The following NACA variants were observed in gnomAD, a reference collection of about 807,000 sequenced individuals.
NACA encodes the protein nascent polypeptide-associated complex subunit alpha.
In NACA, 42 loss-of-function variants were observed where a neutral mutation model predicts 86.4. The observed-to-expected ratio is 0.49, with a 90% CI of 0.38 to 0.63. The LOEUF is 0.63. Ranked by LOEUF, NACA falls within the 20% of genes least tolerant of loss-of-function variation. The pLI is 0.00. For synonymous variants in NACA, 898 were observed against 973.7 expected (o/e 0.92, Z 1.45); for missense variants, 2,157 against 2,483.6 (o/e 0.87, Z 2.80).
rs1193654943 is a variant in NACA, at chr12:56,716,509, G to A, written c.5021C>T (p.Ala1674Val). ...TVPQASKGLP[A>V]KKGPTALKEV... ...TTTCAGAGCTGTGGGGCCTTTCTTT[G>A]CTGGAAGCCCTTTAGATGCTTGAGG... The change falls in exon 3 of 9, where the codon GCA (alanine) becomes GTA (valine). Residue 1674 changes from alanine to valine, a missense_variant. Transcript: ENST00000454682. 1.3e-6 allele frequency: 2 copies of A among 1,503,606 alleles called. No homozygotes were observed. Among genetic ancestry groups the A allele is most frequent in the South Asian group, 1.1e-5 (1 of 89,214 alleles). 93.1% of individuals were successfully genotyped at this position (1,503,606 alleles called of 1,614,324 possible).
rs146850309 is a variant in NACA at position 56,723,778 on chromosome 12, T to C, written c.70+674A>G. 3.2e-3 allele frequency among the ~76,000 whole-genome samples: 485 copies of C among 152,292 alleles called. 4 individuals carry two copies. The highest frequency in any genetic ancestry group is 0.011 in the African/African-American group (460 of 41,558). ...ATCATTTTAAGAACTTTTCATTACC[T>C]CCTCCTAAGTTTTCTACAGAGATAT... On this transcript the variant is annotated intron_variant, in intron 2 of 8. Coordinates refer to ENST00000454682, the MANE Select transcript of NACA (RefSeq NM_001365896.1).
chr12:56,723,729 C>T (rs960788280), intron 2 of NACA, among the ~76,000 whole-genome samples: 1 of 152,162 alleles, frequency 6.6e-6, no homozygotes, highest in Non-Finnish European at 1.5e-5. Context: ...TCATTTAACG[C>T]TGCACAACTG....
rs751060274 is a variant in NACA at position 56,718,481 on chromosome 12, G to A, written c.3049C>T (p.Pro1017Ser). 2.4e-6 allele frequency: 3 copies of A among 1,254,522 alleles called. No individual in the cohort carries two copies. The Admixed American group carries it at 1.0e-4, about 42-fold the overall frequency. 77.7% of individuals were successfully genotyped at this position (1,254,522 alleles called of 1,614,324 possible). The change falls in exon 3 of 9, where the codon CCC becomes TCC. Residue 1017 changes from proline (P) to serine (S), a missense_variant. Coordinates refer to ENST00000454682, the MANE Select transcript of NACA (RefSeq NM_001365896.1). ...GCTGCTGGACTTCCTTTGGGGGAGG[G>A]AGGAGTCACAGCTGGGGGTGTGGGG... ...GAPTPPAVTPPSPKGSPAATP... is the reference protein window; with the variant it reads ...GAPTPPAVTPSSPKGSPAATP...
In NACA at chr12:56,721,174, G is replaced by A. The variant is rs750605146; in HGVS notation, c.356C>T (p.Ala119Val). ...CAGAGTTGGAGCTATCATGGGAGAG[G>A]CTAGAGCTAAGGCAGCTGGGGAGAT... Reference protein sequence around the residue: ...PPISPAALALASPMIAPTLKG... With the variant: ...PPISPAALALVSPMIAPTLKG... The change falls in exon 3 of 9, where the codon GCC (alanine) becomes GTC (valine). Residue 119 changes from alanine to valine, a missense_variant. By Grantham distance (64) the Ala-to-Val change is moderately conservative (BLOSUM62 0). Coordinates refer to ENST00000454682, the MANE Select transcript of NACA (RefSeq NM_001365896.1). The A allele has an allele frequency of 6.2e-7, 1 of 1,613,944 alleles. No homozygotes were observed. The highest frequency in any genetic ancestry group is 8.5e-7 in the Non-Finnish European group (1 of 1,179,864).
rs762861699 is a variant in NACA, at chr12:56,717,751, G to C, written c.3779C>G (p.Pro1260Arg). ...SPKGGPATPP[P>R]KGAPTPPAAT... Reference sequence around the variant, plus strand: ...AGCTGGGGGAGTGGGGGCCCCTTTGGGGGGTGGGGTAGCTGGGCCTCCTTT... The same window carrying C: ...AGCTGGGGGAGTGGGGGCCCCTTTGCGGGGTGGGGTAGCTGGGCCTCCTTT... Residue 1260 changes from proline (P) to arginine (R), a missense_variant, in exon 3 of 9, where the codon CCC becomes CGC. By Grantham distance (103) the Pro-to-Arg change is moderately radical (BLOSUM62 -2). Transcript: ENST00000454682. 8.5e-7 allele frequency: 1 copy of C among 1,177,646 alleles called. No homozygotes were observed. 72.9% of individuals were successfully genotyped at this position (1,177,646 alleles called of 1,614,324 possible). A position where few individuals can be genotyped will look rare whatever the true frequency, so the allele number is the denominator to read the frequency against.
At position 56,717,728 on chromosome 12, in the gene NACA, C is replaced by G. The variant is rs1278241327; in HGVS notation, c.3802G>C (p.Ala1268Pro). The change falls in exon 3 of 9, where the codon GCT becomes CCT. Residue 1268 changes from alanine to proline, a missense_variant. Coordinates refer to ENST00000454682, the MANE Select transcript of NACA (RefSeq NM_001365896.1). ...CCTTTTAGGGAGGGAGGAGTTGCAGCTGGGGGAGTGGGGGCCCCTTTGGGG... is the reference window on the plus strand; with the variant it reads ...CCTTTTAGGGAGGGAGGAGTTGCAGGTGGGGGAGTGGGGGCCCCTTTGGGG... The part of the protein sequence containing the change: ...PPPKGAPTPP[A>P]ATPPSLKGGL... The G allele has an allele frequency of 4.5e-6, 5 of 1,117,248 alleles. No homozygotes were observed. The East Asian group carries it at 1.8e-4, about 41-fold the overall frequency. 69.2% of individuals were successfully genotyped at this position (1,117,248 alleles called of 1,614,324 possible).
rs144522448 is a variant in NACA at position 56,716,452 on chromosome 12, G to A, written c.5078C>T (p.Thr1693Met). The change falls in exon 3 of 9, where the codon ACG becomes ATG. Residue 1693 changes from threonine to methionine, a missense_variant. By Grantham distance (81) the Thr-to-Met change is moderately conservative. This residue lies in a region of NACA where 797 missense variants were observed against 777.6 expected (regional missense o/e 1.02). Coordinates refer to ENST00000454682, the MANE Select transcript of NACA (RefSeq NM_001365896.1). The part of the protein sequence containing the change: ...EVLVAPAPES[T>M]PIITAPTRKG... ...CCGAGTGGGAGCTGTGATGATTGGC[G>A]TGCTTTCTGGAGCTGGGGCAACAAG... 189 of 1,571,612 alleles carry A rather than the reference G, an allele frequency of 1.2e-4. No homozygotes were observed. Among genetic ancestry groups the A allele is most frequent in the South Asian group, 2.6e-4 (23 of 89,840 alleles).
chr12:56,719,632 C>G lies in NACA; in HGVS notation c.1898G>C (p.Gly633Ala). 1.2e-6 allele frequency: 2 copies of G among 1,613,826 alleles called. No individual in the cohort carries two copies. The highest frequency in any genetic ancestry group is 1.7e-6 in the Non-Finnish European group (2 of 1,179,820). The change falls in exon 3 of 9, where the codon GGT becomes GCT. Residue 633 changes from glycine to alanine, a missense_variant. By Grantham distance (60) the Gly-to-Ala change is moderately conservative. Around this residue, in one of 8 missense-constraint regions of NACA, gnomAD observed 947 missense variants for 917.9 expected, o/e 1.03. Transcript: ENST00000454682. ...TDSYAGPDSAGPLLKSSLITP... is the reference protein window; with the variant it reads ...TDSYAGPDSAAPLLKSSLITP... ...AATGAGAGAACTTTTGAGAAGCGGA[C>G]CAGCAGAGTCTGGGCCTGCATAAGA...
In NACA at chr12:56,716,757, T is replaced by C; in HGVS notation, c.4773A>G (p.Lys1591=). The change falls in exon 3 of 9, where the codon AAA becomes AAG. Residue 1591 remains lysine, a synonymous_variant. Transcript: ENST00000454682. The part of the protein sequence containing the change: ...SPPAVTPSTY[K]GAPSPKELLI... ...GGAGCTCTTTGGGGGATGGGGCCCCTTTGTAAGTGGAAGGAGTCACTGCTG... is the reference window on the plus strand; with the variant it reads ...GGAGCTCTTTGGGGGATGGGGCCCCCTTGTAAGTGGAAGGAGTCACTGCTG... The C allele has an allele frequency of 7.3e-7, 1 of 1,376,938 alleles. No individual in the cohort carries two copies. Among genetic ancestry groups the C allele is most frequent in the Non-Finnish European group, 9.6e-7 (1 of 1,042,952 alleles). 85.3% of individuals were successfully genotyped at this position (1,376,938 alleles called of 1,614,324 possible).
chr12:56,718,637 GT>G lies in NACA; in HGVS notation c.2892del (p.Pro966GlnfsTer49). On this transcript the variant is annotated frameshift_variant, in exon 3 of 9. Transcript: ENST00000454682. LOFTEE classifies it high-confidence loss of function. The part of the protein sequence containing the change: ...PATPSPKWAP[T>X]PPAATPPSPK... The stretch of plus-strand genomic sequence containing the variant: ...GGGGAGGGAGGAGTTGCAGCTGGGG[GT>G]GTGGGGGCCCATTTCGGGGATGGGG... The G allele has an allele frequency of 3.1e-6, 4 of 1,302,194 alleles. No individual in the cohort carries two copies. The highest frequency in any genetic ancestry group is 1.4e-5 in the South Asian group (1 of 70,754). The allele number at this position is 1,302,194 out of a possible 1,614,324, so 80.7% of individuals were successfully genotyped here. A position where few individuals can be genotyped will look rare whatever the true frequency, so the allele number is the denominator to read the frequency against.
intron 2 of NACA, 138 bp downstream of exon 2, chr12:56,724,314 A>G: frequency 1.4e-6 from 1 of 728,778 alleles, no homozygotes; most frequent in South Asian, 2.1e-5. Flanking sequence ...TCTCCAGGAT[A>G]GTAATTTTAC....
At position 56,720,200 on chromosome 12, in the gene NACA, T is replaced by A. The variant is rs1565897895; in HGVS notation, c.1330A>T (p.Thr444Ser). ...GCTGCAGCAATTGTACAGGGGTTAG[T>A]CACCACAAGTGGGGTGGTTCCAACA... ...SSVGTTPLVVTNPCTIAAAPT... is the reference protein window; with the variant it reads ...SSVGTTPLVVSNPCTIAAAPT... Residue 444 changes from threonine (T) to serine (S), a missense_variant, in exon 3 of 9, where the codon ACT becomes TCT. Thr to Ser is a moderately conservative substitution (Grantham distance 58). Coordinates refer to ENST00000454682, the MANE Select transcript of NACA (RefSeq NM_001365896.1). The A allele has an allele frequency of 6.2e-7, 1 of 1,613,872 alleles. No homozygotes were observed. The highest frequency in any genetic ancestry group is 1.1e-5 in the South Asian group (1 of 91,074).
At position 56,721,066 on chromosome 12, in the gene NACA, G is replaced by C; in HGVS notation, c.464C>G (p.Pro155Arg). The C allele has an allele frequency of 3.1e-6, 5 of 1,613,916 alleles. No homozygotes were observed. Among genetic ancestry groups the C allele is most frequent in the Non-Finnish European group, 3.4e-6 (4 of 1,179,860 alleles). Residue 155 changes from proline (P) to arginine (R), a missense_variant, in exon 3 of 9, where the codon CCT becomes CGT. Physicochemically the swap from Pro to Arg is moderately radical, Grantham distance 103 (BLOSUM62 -2). This residue lies in a region of NACA where 947 missense variants were observed against 917.9 expected (regional missense o/e 1.03). Coordinates refer to ENST00000454682, the MANE Select transcript of NACA (RefSeq NM_001365896.1). ...HSVQKSSAFP[P>R]NLLTSPPSVA... ...TGAAGGAGGTGAAGTAAGAAGGTTA[G>C]GTGGAAAAGCAGAACTCTTCTGAAC... is the stretch of plus-strand genomic sequence containing the variant.
chr12:56,716,920 T>C lies in NACA; in HGVS notation c.4610A>G (p.Lys1537Arg), dbSNP rs1203957192. 1 of 1,306,952 alleles carries C rather than the reference T, an allele frequency of 7.7e-7. No individual in the cohort carries two copies. The highest frequency in any genetic ancestry group is 1.6e-5 in the South Asian group (1 of 62,426). The allele number at this position is 1,306,952 out of a possible 1,614,324, so 81.0% of individuals were successfully genotyped here. A position where few individuals can be genotyped will look rare whatever the true frequency, so the allele number is the denominator to read the frequency against. ...IAPTATLLSK[K>R]TPATLAPKEA... ...TTTGGGGGCTAGAGTTGCTGGGGTCTTTTTAGAGAGAAGAGTCGCTGTTGG... is the reference window on the plus strand; with the variant it reads ...TTTGGGGGCTAGAGTTGCTGGGGTCCTTTTAGAGAGAAGAGTCGCTGTTGG... The change falls in exon 3 of 9, where the codon AAG becomes AGG. Residue 1537 changes from lysine (K) to arginine (R), a missense_variant. By Grantham distance (26) the Lys-to-Arg change is conservative (BLOSUM62 2). This residue lies in a region of NACA where 797 missense variants were observed against 777.6 expected (regional missense o/e 1.02). Transcript: ENST00000454682.
Position 56,720,829 on chromosome 12 carries a change from G to C in NACA, c.701C>G (p.Thr234Arg). ...QSGVASLPQT[T>R]PTTTLAIASP... ...AGCGATGGCTAGGGTAGTTGTGGGT[G>C]TTGTCTGAGGAAGGGAGGCCACTCC... The change falls in exon 3 of 9, where the codon ACA (threonine) becomes AGA (arginine). Residue 234 changes from threonine to arginine, a missense_variant. Physicochemically the swap from Thr to Arg is moderately conservative, Grantham distance 71 (BLOSUM62 -1). Transcript: ENST00000454682. 1 of 1,614,012 alleles carries C rather than the reference G, an allele frequency of 6.2e-7. No individual in the cohort carries two copies. The highest frequency in any genetic ancestry group is 8.5e-7 in the Non-Finnish European group (1 of 1,179,892).
At position 56,720,262 on chromosome 12, in the gene NACA, T is replaced by C. The variant is rs776484125; in HGVS notation, c.1268A>G (p.Tyr423Cys). The change falls in exon 3 of 9, where the codon TAT becomes TGT. Residue 423 changes from tyrosine (Y) to cysteine (C), a missense_variant. By Grantham distance (194) the Tyr-to-Cys change is radical. This residue lies in a region of NACA where 947 missense variants were observed against 917.9 expected (regional missense o/e 1.03). Coordinates refer to ENST00000454682, the MANE Select transcript of NACA (RefSeq NM_001365896.1). Reference sequence around the variant, plus strand: ...CATTTGGGCCACTAAAGGATAATGATAAGTGGCATTAGGAGAGCTTTTGAG... The same window carrying C: ...CATTTGGGCCACTAAAGGATAATGACAAGTGGCATTAGGAGAGCTTTTGAG... ...LILKSSPNAT[Y>C]HYPLVAQMPV... 8 of 1,613,930 alleles carry C rather than the reference T, an allele frequency of 5.0e-6. No individual in the cohort carries two copies. The highest frequency in any genetic ancestry group is 6.8e-6 in the Non-Finnish European group (8 of 1,179,874).
At chr12:56,713,814 G>A (rs1953278515) in intron 5 of NACA, 131 bp from the exon 6 acceptor site, 1 of 917,514 alleles carries the variant, frequency 1.1e-6, no homozygotes, top group Non-Finnish European at 1.7e-6. Context: ...AATAGAGAAT[G>A]GGTTTTCTGC....
Position 56,713,084 on chromosome 12 carries a change from T to C in NACA, c.6077A>G (p.Gln2026Arg). 6 of 1,614,008 alleles carry C rather than the reference T, an allele frequency of 3.7e-6. No individual in the cohort carries two copies. The highest frequency in any genetic ancestry group is 5.1e-6 in the Non-Finnish European group (6 of 1,180,002). The change falls in exon 7 of 9, where the codon CAA becomes CGA. Residue 2026 changes from glutamine (Q) to arginine (R), a missense_variant. Gln to Arg is a conservative substitution (Grantham distance 43). Transcript: ENST00000454682. Reference protein sequence around the residue: ...IQENTQTPTVQEESEEEEVDE... With the variant: ...IQENTQTPTVREESEEEEVDE... ...TACCTCTTCCTCTTCACTCTCCTCT[T>C]GTACAGTTGGAGTCTGTGTGTTTTC...
chr12:56,714,532 C>A, intron 4 of NACA, 70 bp downstream of exon 4: 1 of 1,604,402 alleles, frequency 6.2e-7, no homozygotes, highest in Non-Finnish European at 8.5e-7. Context: ...GTTCACAGTT[C>A]CAAATACAAA....
Sources: gnomAD v4.1 joint callset for allele counts (sites outside exome capture counted in the v4.1 genomes callset) on GRCh38, gnomAD v4.1.1 for gene constraint, gnomAD v4.1.1 regional missense constraint, MANE v1.5 for transcripts, NCBI Gene and HGNC (gene_info 2026-07-23, HGNC 2026-07-21) for gene names.